SLC41A3: variants seen among roughly 807,000 people sequenced by gnomAD.
The protein encoded by SLC41A3 is SLC41A1-like 2.
A neutral mutation model predicts 45.4 loss-of-function variants in SLC41A3; 44 were observed. The ratio of observed to expected loss-of-function variants is 0.97; its 90% CI spans 0.76 to 1.25. SLC41A3 has a LOEUF of 1.25. Ranked by LOEUF, SLC41A3 falls within the 50% of genes most tolerant of loss-of-function variation. The probability of loss-of-function intolerance (pLI) is 0.00; values close to 1 mark genes in which losing one functional copy is unlikely to be tolerated. For missense variants in SLC41A3, 550 were observed against 600.6 expected (o/e 0.92, Z 0.88); for synonymous variants, 256 against 252.4 (o/e 1.01, Z -0.13).
At chr3:126,022,996 G>A (rs1483891188) in intron 5 of SLC41A3, 64 bp from the exon 6 acceptor site, 19 of 1,595,908 alleles carry the variant, frequency 1.2e-5, no homozygotes, top group Middle Eastern at 1.7e-4. Flanking sequence ...CTCTGAGCAG[G>A]CACAGCAGCA....
At chr3:126,084,501 C>T (rs532112288), upstream of SLC41A3, 1 of 152,254 alleles carries the variant, frequency 6.6e-6, no homozygotes, top group African/African-American at 2.4e-5. Flanking sequence ...TGGGACCCGC[C>T]TTTTGCTTTA....
chr3:126,016,192 T>C (rs1208628098), intron 7 of SLC41A3, among the ~76,000 whole-genome samples: 2 of 152,182 alleles, frequency 1.3e-5, no homozygotes, highest in Non-Finnish European at 2.9e-5. Flanking sequence ...TCTCAGGAAA[T>C]GAGCCTTGAG....
intron 1 of SLC41A3, among the ~76,000 whole-genome samples, chr3:126,075,759 G>A (rs1944852485): frequency 6.6e-6 from 1 of 152,130 alleles, no homozygotes; most frequent in Non-Finnish European, 1.5e-5. Context: ...AAACGGGGCT[G>A]GGACAACTGA....
intron 2 of SLC41A3, 76 bp from the exon 3 acceptor site, chr3:126,051,126 C>A: frequency 7.0e-7 from 1 of 1,435,010 alleles, no homozygotes; most frequent in East Asian, 2.5e-5. Context: ...AGAGAACCTT[C>A]AGCAAGTCAC....
At chr3:126,036,274 C>T (rs1271578010) in intron 3 of SLC41A3, among the ~76,000 whole-genome samples, 1 of 152,230 alleles carries the variant, frequency 6.6e-6, no homozygotes, top group Non-Finnish European at 1.5e-5. Flanking sequence ...CAGCTCTGGG[C>T]CTGTGAGGCT....
intron 1 of SLC41A3, among the ~76,000 whole-genome samples, chr3:126,073,561 A>ATG (rs1944731120): frequency 6.6e-6 from 1 of 152,212 alleles, no homozygotes; most frequent in Non-Finnish European, 1.5e-5. Context: ...ACAAACCTGC[A>ATG]CATGTACCCC....
intron 3 of SLC41A3, among the ~76,000 whole-genome samples, chr3:126,046,278 G>A (rs1393692690): frequency 1.3e-5 from 2 of 151,950 alleles, no homozygotes; most frequent in Non-Finnish European, 1.5e-5. Context: ...AGTAAAAGGT[G>A]TACAAATTAG....
upstream of SLC41A3, among the ~76,000 whole-genome samples, chr3:126,086,163 T>G (rs1212620312): frequency 6.6e-6 from 1 of 152,108 alleles, no homozygotes; most frequent in African/African-American, 2.4e-5. Context: ...ATGACCTCAT[T>G]TCGGGCACTC....
chr3:126,026,557 C>T lies in SLC41A3; in HGVS notation c.454-78G>A. 1 of 1,523,166 alleles carries T rather than the reference C, an allele frequency of 6.6e-7. No homozygotes were observed. The highest frequency in any genetic ancestry group is 2.0e-5 in the Admixed American group (1 of 49,846). The allele number at this position is 1,523,166 out of a possible 1,614,324, so 94.4% of individuals were successfully genotyped here. The stretch of plus-strand genomic sequence containing the variant: ...CTCCCTGCCCTTCACACCTCACTCA[C>T]CGCAAGGGGCCGGGTGCCACATGCT... On this transcript the variant is annotated intron_variant, in intron 4 of 10. Coordinates refer to ENST00000360370, the MANE Select transcript of SLC41A3 (RefSeq NM_017836.4). The surrounding 1 kb of genome is among the most constrained non-coding windows in gnomAD (Gnocchi z 4.2).
intron 1 of SLC41A3, among the ~76,000 whole-genome samples, chr3:126,094,798 G>T (rs1231629264): frequency 6.6e-6 from 1 of 152,164 alleles, no homozygotes; most frequent in Admixed American, 6.5e-5. Context: ...CCTATAAAAA[G>T]CAAAGCTTGT....
intron 8 of SLC41A3, among the ~76,000 whole-genome samples, chr3:126,013,110 G>A (rs943374232): frequency 1.3e-5 from 2 of 152,176 alleles, no homozygotes; most frequent in African/African-American, 4.8e-5. Context: ...AAAGGTCTGA[G>A]AATAGTGTGA....
chr3:126,052,758 C>T (rs1323371414), intron 2 of SLC41A3, among the ~76,000 whole-genome samples: 1 of 152,208 alleles, frequency 6.6e-6, no homozygotes, highest in Non-Finnish European at 1.5e-5. Flanking sequence ...ACTATCCACC[C>T]CATCTCGGCC....
rs1166534594 is a variant in SLC41A3, at chr3:126,067,946, C to A, written c.273+1G>T. 2 of 1,589,856 alleles carry A rather than the reference C, an allele frequency of 1.3e-6. No individual in the cohort carries two copies. The highest frequency in any genetic ancestry group is 8.6e-7 in the Non-Finnish European group (1 of 1,167,934). On this transcript the variant is annotated splice_donor_variant, in intron 2 of 10. Coordinates refer to ENST00000360370, the MANE Select transcript of SLC41A3 (RefSeq NM_017836.4). LOFTEE classifies it high-confidence loss of function. ...CCTGTCCCCATTTAGTTCCCTCTTA[C>A]CTGGAAATAGTCCAGAAGCATGCCG...
intron 3 of SLC41A3, among the ~76,000 whole-genome samples, chr3:126,050,715 AG>A (rs1943271652): frequency 2.7e-5 from 2 of 72,746 alleles, no homozygotes; most frequent in South Asian, 4.2e-4. Flanking sequence ...AAGGAGGAAC[AG>A]GGGCAAACAG....
intron 1 of SLC41A3, among the ~76,000 whole-genome samples, chr3:126,068,681 A>G (rs2108022302): frequency 6.6e-6 from 1 of 152,352 alleles, no homozygotes; most frequent in Non-Finnish European, 1.5e-5. Flanking sequence ...TGCTGGTGAC[A>G]TTCTAACATG....
At chr3:126,088,044 A>G (rs1945427293), upstream of SLC41A3, among the ~76,000 whole-genome samples, 1 of 152,070 alleles carries the variant, frequency 6.6e-6, no homozygotes, top group Non-Finnish European at 1.5e-5. Flanking sequence ...CTCTTTTGAA[A>G]TGGCCTTAGA....
chr3:126,052,812 G>A (rs1027011287), intron 2 of SLC41A3, among the ~76,000 whole-genome samples: 3 of 152,026 alleles, frequency 2.0e-5, no homozygotes, highest in Non-Finnish European at 4.4e-5. Context: ...CTTCCTTCCT[G>A]CTTTCTTTTC....
rs1174317330 is a variant in SLC41A3 at position 126,006,508 on chromosome 3, C to G, written c.*508G>C. ...ATGAAGGGTTGTATGAGGCCCCATC[C>G]TGGGGAGGCTGTACACCTTCTTGGC... is the stretch of plus-strand genomic sequence containing the variant. On this transcript the variant is annotated 3_prime_UTR_variant, in exon 11 of 11. Transcript: ENST00000360370. 3 of 1,613,908 alleles carry G rather than the reference C, an allele frequency of 1.9e-6. No individual in the cohort carries two copies. The highest frequency in any genetic ancestry group is 2.5e-6 in the Non-Finnish European group (3 of 1,180,006).
chr3:126,046,069 AC>A (rs1323837733), intron 3 of SLC41A3, among the ~76,000 whole-genome samples: 4 of 151,818 alleles, frequency 2.6e-5, no homozygotes, highest in Non-Finnish European at 4.4e-5. Flanking sequence ...AAAACACCCA[AC>A]AAACTAGAAA....
Sources: allele counts gnomAD v4.1 joint callset (sites outside exome capture counted in the v4.1 genomes callset), GRCh38; gene constraint gnomAD v4.1.1; non-coding constraint Gnocchi (gnomAD v3.1); transcripts MANE v1.5; gene names NCBI Gene and HGNC (gene_info 2026-07-23, HGNC 2026-07-21).